Variants in DTNA observed in about 807,000 individuals in gnomAD.
DTNA encodes dystrophin-related protein 3.
Under a neutral mutation model 100.7 loss-of-function variants are expected in DTNA, and 43 were observed. The ratio of observed to expected loss-of-function variants is 0.43; its 90% CI spans 0.33 to 0.55. DTNA has a LOEUF of 0.55. Among genes scored for constraint, DTNA ranks in the 20% least tolerant of loss-of-function variants. The pLI, the probability that DTNA is intolerant of heterozygous loss-of-function variation, is 0.04. For synonymous variants in DTNA, 349 were observed against 347.9 expected (o/e 1.00, Z -0.04); for missense variants, 798 against 953.9 (o/e 0.84, Z 2.15).
At chr18:34,859,144 C>A (rs1431125475) in intron 16 of DTNA, among the ~76,000 whole-genome samples, 1 of 152,088 alleles carries the variant, frequency 6.6e-6, no homozygotes, top group Non-Finnish European at 1.5e-5. Context: ...AACATAAAAG[C>A]CTAGTCTTCT....
chr18:34,818,476 C>A (rs1467360165), intron 8 of DTNA, 146 bp downstream of exon 8: 2 of 1,531,708 alleles, frequency 1.3e-6, no homozygotes, highest in African/African-American at 1.4e-5. Context: ...CTCCCACTCT[C>A]CACCCTACTG....
rs138514800 is a variant in DTNA, at chr18:34,859,551, A to G, written c.1646+1153A>G. ...TTACAAAGTGACATCCTATGCAAAC[A>G]TTTGATTGGTTGCAGGAGGGGACCA... On this transcript the variant is annotated intron_variant, in intron 16 of 22. Transcript: ENST00000444659. Among the ~76,000 whole-genome samples the G allele has an allele frequency of 7.2e-5, 11 of 152,290 alleles. 1 individual carries two copies. The East Asian group carries it at 2.1e-3, about 29-fold the overall frequency.
chr18:34,888,771 G>A lies in DTNA; in HGVS notation c.*1037G>A, dbSNP rs372818476. 6.2e-5 allele frequency: 61 copies of A among 985,670 alleles called. 1 individual carries two copies. The East Asian group carries it at 6.8e-4, about 11-fold the overall frequency. The allele number at this position is 985,670 out of a possible 1,614,324, so 61.1% of individuals were successfully genotyped here. On this transcript the variant is annotated 3_prime_UTR_variant, in exon 23 of 23. Coordinates refer to ENST00000444659, the MANE Select transcript of DTNA (RefSeq NM_001386795.1). Reference sequence around the variant, plus strand: ...TAGGAAGCATGTCTTTAACAGCACCGCTCGTTCACAAGTTCCCCCATCAAG... The same window carrying A: ...TAGGAAGCATGTCTTTAACAGCACCACTCGTTCACAAGTTCCCCCATCAAG...
chr18:34,745,688 G>A (rs1369262130), intron 1 of DTNA, among the ~76,000 whole-genome samples: 2 of 152,190 alleles, frequency 1.3e-5, no homozygotes, highest in Admixed American at 6.5e-5. Flanking sequence ...CCCTTGGGCA[G>A]TTGCTCTGTA....
chr18:34,778,983 A>G (rs1347593352), intron 3 of DTNA, among the ~76,000 whole-genome samples: 1 of 138,170 alleles, frequency 7.2e-6, no homozygotes, highest in South Asian at 2.3e-4. Context: ...ATGCCCAGCT[A>G]ATTTTTTTTT....
At chr18:34,644,127 C>T (rs2059585496) in intron 1 of DTNA, among the ~76,000 whole-genome samples, 1 of 152,112 alleles carries the variant, frequency 6.6e-6, no homozygotes, top group South Asian at 2.1e-4. Context: ...TTCAAGCTTC[C>T]CTCACCAGAT....
At chr18:34,616,982 A>G (rs2055427571) in intron 1 of DTNA, among the ~76,000 whole-genome samples, 1 of 152,146 alleles carries the variant, frequency 6.6e-6, no homozygotes, top group South Asian at 2.1e-4. Context: ...TTGTGCCCAG[A>G]AAGTTTGATG....
In DTNA at chr18:34,634,055, A is replaced by G. The variant is rs183465660; in HGVS notation, c.-1-121921A>G. The stretch of plus-strand genomic sequence containing the variant: ...CCCCAGCCCAAAAAGGAAAGAAAAC[A>G]TAGTGCATATCTATCTGGTGTATTT... On this transcript the variant is annotated intron_variant, in intron 1 of 19. Coordinates refer to the DTNA transcript ENST00000283365. 1.6e-3 allele frequency among the ~76,000 whole-genome samples: 244 copies of G among 152,324 alleles called. 1 individual carries two copies. The highest frequency in any genetic ancestry group is 2.1e-3 in the Non-Finnish European group (143 of 68,028).
chr18:34,697,786 C>G (rs1363671082), intron 1 of DTNA, among the ~76,000 whole-genome samples: 1 of 152,040 alleles, frequency 6.6e-6, no homozygotes, highest in African/African-American at 2.4e-5. Context: ...CCCATTGTCT[C>G]GCTTGTGGCC....
At chr18:34,609,442 C>G (rs1311049620) in intron 1 of DTNA, among the ~76,000 whole-genome samples, 1 of 152,026 alleles carries the variant, frequency 6.6e-6, no homozygotes, top group Admixed American at 6.6e-5. Context: ...GACGGAGTTT[C>G]ACCGTGTTAG....
chr18:34,720,628 G>A (rs2085083357), intron 1 of DTNA, among the ~76,000 whole-genome samples: 1 of 152,172 alleles, frequency 6.6e-6, no homozygotes, highest in South Asian at 2.1e-4. Flanking sequence ...CTTCATCAGT[G>A]ACCTGAGAAT....
intron 1 of DTNA, among the ~76,000 whole-genome samples, chr18:34,510,069 TTGTGTG>T (rs35805954): frequency 3.4e-5 from 5 of 144,958 alleles, no homozygotes; most frequent in East Asian, 2.0e-4. Context: ...GAGTGTAATT[TTGTGTG>T]TGTGTGTGTG....
At chr18:34,614,001 G>C (rs1454231983) in intron 1 of DTNA, among the ~76,000 whole-genome samples, 1 of 152,126 alleles carries the variant, frequency 6.6e-6, no homozygotes, top group African/African-American at 2.4e-5. Flanking sequence ...CAAAGGATAA[G>C]GTGCCTCTTG....
At position 34,866,790 on chromosome 18, in the gene DTNA, G is replaced by A. The variant is rs2150200615; in HGVS notation, c.1743+2728G>A. Reference sequence around the variant, plus strand: ...GCAGAATCCTTACTGTTGGTTGACAGTAATCTCTTTTTAAAAAGTAACTCT... The same window carrying A: ...GCAGAATCCTTACTGTTGGTTGACAATAATCTCTTTTTAAAAAGTAACTCT... On this transcript the variant is annotated intron_variant, in intron 17 of 22. Transcript: ENST00000444659. 5 of 993,270 alleles carry A rather than the reference G, an allele frequency of 5.0e-6. No homozygotes were observed. In the South Asian group the frequency reaches 2.3e-4, roughly 47 times the overall value. 61.5% of individuals were successfully genotyped at this position (993,270 alleles called of 1,614,324 possible). A position where few individuals can be genotyped will look rare whatever the true frequency, so the allele number is the denominator to read the frequency against.
At position 34,765,962 on chromosome 18, in the gene DTNA, G is replaced by A. The variant is rs751765838; in HGVS notation, c.69G>A (p.Arg23=). 5.0e-6 allele frequency: 8 copies of A among 1,613,464 alleles called. No homozygotes were observed. The African/African-American group carries it at 1.1e-4, about 22-fold the overall frequency. ...ATGTGTCCTTTTTCCCCGCACTAGG[G>A]GCTCAAGATCTGGATCGCATCCGAC... ...AERRQLFAEM[R]AQDLDRIRLS... The change falls in exon 3 of 23, where the codon AGG becomes AGA. Residue 23 remains arginine, a splice_region_variant and synonymous_variant. Transcript: ENST00000444659.
chr18:34,515,191 C>G (rs890741817), intron 1 of DTNA, among the ~76,000 whole-genome samples: 2 of 152,062 alleles, frequency 1.3e-5, no homozygotes, highest in African/African-American at 2.4e-5. Context: ...TTTCACTTCT[C>G]TTAGTAAGCT....
At chr18:34,504,469 G>A (rs1416425442) in intron 1 of DTNA, among the ~76,000 whole-genome samples, 15 of 151,942 alleles carry the variant, frequency 9.9e-5, no homozygotes, top group Non-Finnish European at 1.5e-5. Context: ...TTCTTTTATT[G>A]TTTCCTTTTT....
intron 1 of DTNA, among the ~76,000 whole-genome samples, chr18:34,686,157 C>T (rs2078868685): frequency 6.6e-6 from 1 of 152,154 alleles, no homozygotes; most frequent in Non-Finnish European, 1.5e-5. Flanking sequence ...TTGCCCTGGC[C>T]AGGACTTCCA....
At chr18:34,685,777 A>G (rs2078806268) in intron 1 of DTNA, among the ~76,000 whole-genome samples, 1 of 152,178 alleles carries the variant, frequency 6.6e-6, no homozygotes, top group African/African-American at 2.4e-5. Context: ...TGAGCATGGA[A>G]TGTTTTTCCA....
Sources: allele counts gnomAD v4.1 joint callset (sites outside exome capture counted in the v4.1 genomes callset), GRCh38; gene constraint gnomAD v4.1.1; transcripts MANE v1.5; gene names NCBI Gene and HGNC (gene_info 2026-07-23, HGNC 2026-07-21).